Variants in NBAS observed in about 807,000 individuals in gnomAD.
The protein encoded by NBAS is NAG/BC035112 fusion.
NBAS carries 219 observed loss-of-function variants against 302.5 expected under a neutral mutation model. That is an observed-to-expected ratio of 0.72 (90% confidence interval 0.65 to 0.81). The LOEUF is 0.81. Ranked by LOEUF, NBAS falls within the 30% of genes least tolerant of loss-of-function variation. NBAS has a pLI of 0.00. For missense variants in NBAS, 2,932 were observed against 2,841.6 expected, an observed-to-expected ratio of 1.03 and a Z score of -0.72; for synonymous variants, 1,118 against 1,021.6, an observed-to-expected ratio of 1.09 and a Z score of -1.80.
chr2:14,816,229 C>G, the NBAS span, among the ~76,000 whole-genome samples: 5 of 152,220 alleles, frequency 3.3e-5, no homozygotes, highest in African/African-American at 4.8e-5. Flanking sequence ...GACCACAGAG[C>G]AGGAGGTGAG....
the NBAS span, among the ~76,000 whole-genome samples, chr2:15,037,265 A>T: frequency 6.2e-4 from 95 of 152,316 alleles, 2 homozygotes; most frequent in East Asian, 0.016. Flanking sequence ...ATGCAAGGCC[A>T]AAGTGGGGCA....
chr2:14,936,792 G>T, the NBAS span, among the ~76,000 whole-genome samples: 1 of 152,168 alleles, frequency 6.6e-6, no homozygotes, highest in Non-Finnish European at 1.5e-5. Flanking sequence ...CCATGCAGTA[G>T]GCTGATCTTT....
chr2:15,163,485 G>A (rs1474269546), downstream of NBAS, among the ~76,000 whole-genome samples: 1 of 152,178 alleles, frequency 6.6e-6, no homozygotes, highest in Non-Finnish European at 1.5e-5. Context: ...GGGTCAGACT[G>A]GGAGGGACTC....
intron 44 of NBAS, among the ~76,000 whole-genome samples, chr2:15,250,296 T>G (rs752826907): frequency 6.6e-6 from 1 of 152,106 alleles, no homozygotes; most frequent in Non-Finnish European, 1.5e-5. Flanking sequence ...TCCTTACACT[T>G]TAAACAAAAA....
the NBAS span, among the ~76,000 whole-genome samples, chr2:14,827,327 T>C: frequency 6.6e-6 from 1 of 152,236 alleles, no homozygotes; most frequent in Non-Finnish European, 1.5e-5. Context: ...TGTATGTAGT[T>C]TGTAAACATG....
At chr2:15,194,398 A>AT (rs1227535806) in intron 48 of NBAS, among the ~76,000 whole-genome samples, 1 of 152,124 alleles carries the variant, frequency 6.6e-6, no homozygotes, top group African/African-American at 2.4e-5. Flanking sequence ...GAAGTGTCGC[A>AT]TTTTTTCAAA....
chr2:15,298,327 T>C (rs1395476539), intron 40 of NBAS, among the ~76,000 whole-genome samples: 1 of 152,172 alleles, frequency 6.6e-6, no homozygotes, highest in Non-Finnish European at 1.5e-5. Flanking sequence ...AACATGATAC[T>C]GAGAAGAACT....
At chr2:15,518,576 C>T (rs1349768515) in intron 9 of NBAS, among the ~76,000 whole-genome samples, 2 of 152,024 alleles carry the variant, frequency 1.3e-5, no homozygotes, top group Non-Finnish European at 2.9e-5. Context: ...CACTAAAGCA[C>T]ACAACATGGG....
chr2:14,934,196 C>A, the NBAS span, among the ~76,000 whole-genome samples: 1 of 152,122 alleles, frequency 6.6e-6, no homozygotes, highest in African/African-American at 2.4e-5. Context: ...TTTCTCAACA[C>A]CCAGTCCCAC....
intron 44 of NBAS, among the ~76,000 whole-genome samples, chr2:15,273,371 A>C (rs1278888926): frequency 6.6e-6 from 1 of 152,194 alleles, no homozygotes; most frequent in African/African-American, 2.4e-5. Flanking sequence ...TGCTGCTCCT[A>C]CTGGGCTAAA....
the NBAS span, among the ~76,000 whole-genome samples, chr2:14,800,152 A>G: frequency 2.6e-5 from 4 of 151,904 alleles, no homozygotes; most frequent in African/African-American, 9.7e-5. Flanking sequence ...CTCCCTTTGG[A>G]TTAATTAAAT....
the NBAS span, among the ~76,000 whole-genome samples, chr2:15,038,007 C>T: frequency 2.0e-5 from 3 of 150,512 alleles, 1 homozygote; most frequent in African/African-American, 7.3e-5. Context: ...TCACAAAATA[C>T]AAGTATTTTG....
In NBAS at chr2:15,281,619, G is replaced by A. The variant is rs183315797; in HGVS notation, c.5139-4518C>T. ...ATCTCACAGCAGTTCTGCAAAATGGGCTGAAAATAGTCATTTTGCAGAGGA... is the reference window on the plus strand; with the variant it reads ...ATCTCACAGCAGTTCTGCAAAATGGACTGAAAATAGTCATTTTGCAGAGGA... On this transcript the variant is annotated intron_variant, in intron 42 of 51. Transcript: ENST00000281513. Among the ~76,000 whole-genome samples the A allele has an allele frequency of 2.6e-5, 4 of 152,216 alleles. No homozygotes were observed. In the East Asian group the frequency reaches 7.7e-4, roughly 29 times the overall value.
chr2:15,526,289 T>C (rs935595391), intron 9 of NBAS, among the ~76,000 whole-genome samples: 3 of 152,216 alleles, frequency 2.0e-5, no homozygotes, highest in Non-Finnish European at 4.4e-5. Context: ...CACATATTCA[T>C]AGAGCTTATC....
At chr2:15,112,425 A>C in the NBAS span, among the ~76,000 whole-genome samples, 1 of 152,172 alleles carries the variant, frequency 6.6e-6, no homozygotes, top group African/African-American at 2.4e-5. Flanking sequence ...CAGCCAGTGA[A>C]GATCCAACAT....
intron 21 of NBAS, among the ~76,000 whole-genome samples, chr2:15,437,644 G>A (rs1678096962): frequency 6.6e-6 from 1 of 152,174 alleles, no homozygotes; most frequent in African/African-American, 2.4e-5. Context: ...GTTAGGTAGA[G>A]AAGGGAAACA....
chr2:15,439,929 C>T (rs149519184), intron 21 of NBAS, among the ~76,000 whole-genome samples: 71 of 152,364 alleles, frequency 4.7e-4, no homozygotes, highest in African/African-American at 1.6e-3. Flanking sequence ...GAGATCAAAC[C>T]GCAAGGCGGC....
At chr2:15,404,489 T>C (rs1676309635) in intron 25 of NBAS, among the ~76,000 whole-genome samples, 1 of 152,040 alleles carries the variant, frequency 6.6e-6, no homozygotes, top group East Asian at 1.9e-4. Flanking sequence ...CTGTGAGACA[T>C]TAAATAATCA....
At position 15,389,509 on chromosome 2, in the gene NBAS, G is replaced by C. The variant is rs76491823; in HGVS notation, c.3257+4718C>G. ...AAAAGAGTTGATGGTATACTGTGGAGTTAGAACCAGAACCCAAGTCATCTG... is the reference window on the plus strand; with the variant it reads ...AAAAGAGTTGATGGTATACTGTGGACTTAGAACCAGAACCCAAGTCATCTG... On this transcript the variant is annotated intron_variant, in intron 28 of 51. Transcript: ENST00000281513. Among the ~76,000 whole-genome samples, 1,221 of 152,282 alleles carry C rather than the reference G, an allele frequency of 8.0e-3. 7 individuals carry two copies. The highest frequency in any genetic ancestry group is 0.014 in the Non-Finnish European group (958 of 68,028).
Sources: gnomAD v4.1 joint callset for allele counts (sites outside exome capture counted in the v4.1 genomes callset) on GRCh38, gnomAD v4.1.1 for gene constraint, MANE v1.5 for transcripts, NCBI Gene and HGNC (gene_info 2026-07-23, HGNC 2026-07-21) for gene names.